The following DKK3 variants were observed in gnomAD, a reference collection of about 807,000 sequenced individuals.
The protein encoded by DKK3 is dickkopf-related protein 3.
In DKK3, 22 loss-of-function variants were observed where a neutral mutation model predicts 33.2. The ratio of observed to expected loss-of-function variants is 0.66; its 90% CI spans 0.47 to 0.95. The LOEUF (loss-of-function observed/expected upper bound fraction) is 0.95, where lower values mean the gene tolerates loss of function less well. Among genes scored for constraint, DKK3 ranks in the 40% least tolerant of loss-of-function variants. The pLI is 0.00. For missense variants in DKK3, 398 were observed against 458.4 expected (o/e 0.87, Z 1.20); for synonymous variants, 194 against 188.8 (o/e 1.03, Z -0.23).
chr11:11,991,588 C>T (rs1245232516), intron 3 of DKK3, among the ~76,000 whole-genome samples: 1 of 151,782 alleles, frequency 6.6e-6, no homozygotes, highest in African/African-American at 2.4e-5. Context: ...AGCCTGGCAC[C>T]TCTCCTCTCT....
chr11:12,007,965 G>A (rs1564928762), intron 1 of DKK3, among the ~76,000 whole-genome samples: 1 of 152,200 alleles, frequency 6.6e-6, no homozygotes, highest in Non-Finnish European at 1.5e-5. Flanking sequence ...AAAGCATAAC[G>A]GACAAGCTAG....
chr11:11,986,144 C>T (rs1030880005), intron 3 of DKK3, among the ~76,000 whole-genome samples: 19 of 152,142 alleles, frequency 1.2e-4, no homozygotes, highest in Admixed American at 2.6e-4. Context: ...CAGGCCCCTC[C>T]GCCATCTTCA....
upstream of DKK3, chr11:12,009,566 C>G (rs544663958): frequency 8.7e-4 from 859 of 983,246 alleles, 7 homozygotes; most frequent in African/African-American, 0.014. Flanking sequence ...ATCCCAGGCC[C>G]GTCTTCTCTG....
chr11:12,008,596 C>A lies in DKK3; in HGVS notation c.-14G>T. 2.2e-6 allele frequency: 3 copies of A among 1,388,054 alleles called. No individual in the cohort carries two copies. The highest frequency in any genetic ancestry group is 2.8e-6 in the Non-Finnish European group (3 of 1,081,220). 86.0% of individuals were successfully genotyped at this position (1,388,054 alleles called of 1,614,324 possible). A position where few individuals can be genotyped will look rare whatever the true frequency, so the allele number is the denominator to read the frequency against. On this transcript the variant is annotated 5_prime_UTR_variant, in exon 1 of 7. Transcript: ENST00000683431. The surrounding 1 kb of genome is among the most constrained non-coding windows in gnomAD (Gnocchi z 4.6). The stretch of plus-strand genomic sequence containing the variant: ...AAGCCGCTGCATCTCCGCTCTGCGC[C>A]CGCAGCCGCCGCCTGTGTGTCCCGG...
At chr11:11,973,208 C>T (rs1271027119) in intron 3 of DKK3, among the ~76,000 whole-genome samples, 2 of 152,206 alleles carry the variant, frequency 1.3e-5, no homozygotes, top group South Asian at 4.1e-4. Context: ...AGTCCTTATC[C>T]CTACTTCACA....
chr11:12,009,212 G>C, upstream of DKK3: 1 of 985,140 alleles, frequency 1.0e-6, no homozygotes, highest in Non-Finnish European at 1.2e-6. Context: ...GACTGGATCT[G>C]CTCGCTCCCG....
chr11:11,974,217 C>T (rs143565338), intron 3 of DKK3, among the ~76,000 whole-genome samples: 41 of 152,368 alleles, frequency 2.7e-4, no homozygotes, highest in Non-Finnish European at 4.4e-4. Context: ...GCACACTGTG[C>T]AGGAGGAGAG....
chr11:12,001,811 G>A (rs1848434510), intron 2 of DKK3: 1 of 152,356 alleles, frequency 6.6e-6, no homozygotes, highest in Non-Finnish European at 1.5e-5. Flanking sequence ...GCAAATGAAT[G>A]TTTAATTTTG....
In DKK3 at chr11:11,967,009, G is replaced by C. The variant is rs1241316202; in HGVS notation, c.618C>G (p.Thr206=). 1 of 1,613,988 alleles carries C rather than the reference G, an allele frequency of 6.2e-7. No homozygotes were observed. The highest frequency in any genetic ancestry group is 1.3e-5 in the African/African-American group (1 of 74,922). ...TKMATRGSNG[T]ICDNQRDCQP... ...GGCAGTCCCTCTGGTTGTCACAGATGGTCCCATTGCTGCCCCTGGTGGCCA... is the reference window on the plus strand; with the variant it reads ...GGCAGTCCCTCTGGTTGTCACAGATCGTCCCATTGCTGCCCCTGGTGGCCA... The change falls in exon 5 of 7, where the codon ACC becomes ACG. Residue 206 remains threonine, a synonymous_variant. Transcript: ENST00000683431.
intron 3 of DKK3, among the ~76,000 whole-genome samples, chr11:11,984,705 AC>A (rs1243269523): frequency 1.3e-5 from 2 of 151,744 alleles, no homozygotes; most frequent in South Asian, 4.2e-4. Context: ...GCAGAACAAA[AC>A]AGAAACCAGT....
chr11:11,984,531 T>C (rs1848023486), intron 3 of DKK3, among the ~76,000 whole-genome samples: 3 of 152,150 alleles, frequency 2.0e-5, no homozygotes, highest in African/African-American at 7.2e-5. Flanking sequence ...ACTTTTCCCA[T>C]GAGTTGTATC....
chr11:12,006,808 G>A (rs11022110), intron 1 of DKK3, among the ~76,000 whole-genome samples: 6,649 of 152,286 alleles, frequency 0.044, 212 homozygotes, highest in East Asian at 0.084. Flanking sequence ...CTGAACAGTG[G>A]TGGGCACAAA....
chr11:11,968,216 C>T (rs1847644621), intron 4 of DKK3, among the ~76,000 whole-genome samples, 179 bp downstream of exon 4: 1 of 152,156 alleles, frequency 6.6e-6, no homozygotes, highest in Non-Finnish European at 1.5e-5. Context: ...CCTGTCATCC[C>T]AAACTGGAAT....
At chr11:11,990,435 GGCTCAAGCCTTCA>G (rs1179754401) in intron 3 of DKK3, among the ~76,000 whole-genome samples, 1 of 152,224 alleles carries the variant, frequency 6.6e-6, no homozygotes, top group African/African-American at 2.4e-5. Flanking sequence ...AGCCCAAAGG[GGCTCAAGCCTTCA>G]GCTTCAGCAG....
At chr11:11,990,200 T>C (rs1848159326) in intron 3 of DKK3, among the ~76,000 whole-genome samples, 2 of 152,194 alleles carry the variant, frequency 1.3e-5, no homozygotes, top group Non-Finnish European at 1.5e-5. Flanking sequence ...CACACCTGCA[T>C]GGAGGAGCTG....
At chr11:11,990,806 T>C (rs2135071319) in intron 3 of DKK3, among the ~76,000 whole-genome samples, 1 of 152,316 alleles carries the variant, frequency 6.6e-6, no homozygotes, top group Non-Finnish European at 1.5e-5. Flanking sequence ...ACGAATACCC[T>C]TTTTCCCCAC....
intron 3 of DKK3, among the ~76,000 whole-genome samples, chr11:11,980,235 C>T (rs1847927425): frequency 6.6e-6 from 1 of 152,218 alleles, no homozygotes; most frequent in South Asian, 2.1e-4. Flanking sequence ...TGTTCCTCAA[C>T]CCTGCAAATT....
chr11:11,991,444 A>G (rs1225340160), intron 3 of DKK3, among the ~76,000 whole-genome samples: 1 of 152,034 alleles, frequency 6.6e-6, no homozygotes, highest in Non-Finnish European at 1.5e-5. Context: ...AAGAGGCTGG[A>G]CATAGTGGCT....
At chr11:11,974,311 C>T (rs1354073994) in intron 3 of DKK3, among the ~76,000 whole-genome samples, 1 of 152,260 alleles carries the variant, frequency 6.6e-6, no homozygotes, top group Admixed American at 6.5e-5. Context: ...CGGATCCTCA[C>T]AGCCACCCTT....
Sources: gnomAD v4.1 joint callset for allele counts (sites outside exome capture counted in the v4.1 genomes callset) on GRCh38, gnomAD v4.1.1 for gene constraint, Gnocchi (gnomAD v3.1) non-coding constraint, MANE v1.5 for transcripts, NCBI Gene and HGNC (gene_info 2026-07-23, HGNC 2026-07-21) for gene names.